The following EBAG9 variants were observed in gnomAD, a reference collection of about 807,000 sequenced individuals.
EBAG9 encodes estrogen receptor binding site associated antigen 9.
Under a neutral mutation model 30.9 loss-of-function variants are expected in EBAG9, and 16 were observed. That is an observed-to-expected ratio of 0.52 (90% CI 0.35 to 0.79). EBAG9 has a LOEUF of 0.79. Among genes scored for constraint, EBAG9 ranks in the 30% least tolerant of loss-of-function variants. The pLI, the probability that EBAG9 is intolerant of heterozygous loss-of-function variation, is 0.01. For synonymous variants in EBAG9, 93 were observed against 82.8 expected, an observed-to-expected ratio of 1.12 and a Z score of -0.67; for missense variants, 197 against 242.1, an observed-to-expected ratio of 0.81 and a Z score of 1.24.
rs140265591 is a variant in EBAG9 at position 109,564,930 on chromosome 8, A to C, written c.*371A>C. On this transcript the variant is annotated 3_prime_UTR_variant, in exon 7 of 7. Transcript: ENST00000337573. ...GTACTGTCTGTTATGATTTCCTTCA[A>C]TGTGCATAATGATAAAATAAATAAT... 6.5e-6 allele frequency: 1 copy of C among 154,420 alleles called. No individual in the cohort carries two copies. The highest frequency in any genetic ancestry group is 1.4e-5 in the Non-Finnish European group (1 of 69,460). The allele number at this position is 154,420 out of a possible 1,614,324, so 9.6% of individuals were successfully genotyped here.
chr8:109,562,685 T>A (rs1821734299), intron 6 of EBAG9, among the ~76,000 whole-genome samples: 1 of 151,760 alleles, frequency 6.6e-6, no homozygotes, highest in Non-Finnish European at 1.5e-5. Context: ...TCTTTTATAC[T>A]TTAGTTTTTG....
intron 6 of EBAG9, chr8:109,563,663 G>T: frequency 1.0e-6 from 1 of 985,228 alleles, no homozygotes; most frequent in Non-Finnish European, 1.4e-6. Flanking sequence ...TGTCAAGGGG[G>T]TTTGTCGTAC....
chr8:109,540,822 A>G (rs1420977561), intron 1 of EBAG9: 1 of 152,196 alleles, frequency 6.6e-6, no homozygotes, highest in East Asian at 1.9e-4. Flanking sequence ...GTACTAGATC[A>G]TATGGTTTTC....
At chr8:109,553,220 G>A (rs1387542611) in intron 2 of EBAG9, among the ~76,000 whole-genome samples, 1 of 151,966 alleles carries the variant, frequency 6.6e-6, no homozygotes, top group Non-Finnish European at 1.5e-5. Flanking sequence ...TGCAAAAGTG[G>A]GTTTGAATAC....
rs141562975 is a variant in EBAG9, at chr8:109,551,784, T to C, written c.83+877T>C. On this transcript the variant is annotated intron_variant, in intron 2 of 6. Coordinates refer to ENST00000337573, the MANE Select transcript of EBAG9 (RefSeq NM_004215.5). ...TGAAAACAAGAATGATGGTCTCCAG[T>C]CTTATTCTAAGGCATAAGAAGCTGT... 1.6e-4 allele frequency among the ~76,000 whole-genome samples: 24 copies of C among 152,294 alleles called. No individual in the cohort carries two copies. In the East Asian group the frequency reaches 4.0e-3, roughly 26 times the overall value.
chr8:109,564,211 A>C (rs1821769195), intron 6 of EBAG9, among the ~76,000 whole-genome samples: 1 of 152,100 alleles, frequency 6.6e-6, no homozygotes, highest in East Asian at 1.9e-4. Flanking sequence ...CATTTTACTT[A>C]TTTGTAAAAT....
At chr8:109,541,558 C>T (rs549793082) in intron 1 of EBAG9, among the ~76,000 whole-genome samples, 1 of 152,256 alleles carries the variant, frequency 6.6e-6, no homozygotes, top group East Asian at 1.9e-4. Flanking sequence ...TGTTAGTTTC[C>T]TTCCATTCAA....
At chr8:109,546,994 G>T (rs1470897170) in intron 1 of EBAG9, among the ~76,000 whole-genome samples, 2 of 151,972 alleles carry the variant, frequency 1.3e-5, no homozygotes, top group Admixed American at 1.3e-4. Flanking sequence ...AAATAAAGCT[G>T]CAATTCAAAT....
intron 1 of EBAG9, among the ~76,000 whole-genome samples, chr8:109,547,356 CATT>C (rs1202887425): frequency 6.6e-6 from 1 of 152,130 alleles, no homozygotes; most frequent in African/African-American, 2.4e-5. Flanking sequence ...TTGCTATGGT[CATT>C]ATGTTTAGTT....
chr8:109,557,767 C>G (rs1263305977), intron 5 of EBAG9: 1 of 445,686 alleles, frequency 2.2e-6, no homozygotes, highest in Non-Finnish European at 4.5e-6. Flanking sequence ...CATCTGAAGG[C>G]TTGATTGTGG....
At chr8:109,552,452 G>A (rs900030891) in intron 2 of EBAG9, among the ~76,000 whole-genome samples, 2 of 152,086 alleles carry the variant, frequency 1.3e-5, no homozygotes, top group African/African-American at 4.8e-5. Context: ...CAGAGAATGA[G>A]GAAGAGAATG....
chr8:109,547,273 A>G (rs1013376817), intron 1 of EBAG9, among the ~76,000 whole-genome samples: 1 of 152,210 alleles, frequency 6.6e-6, no homozygotes, highest in African/African-American at 2.4e-5. Context: ...ATTGTTTTTC[A>G]AAGTGGTTGT....
chr8:109,559,628 A>G (rs1341467147), intron 5 of EBAG9, among the ~76,000 whole-genome samples: 1 of 152,124 alleles, frequency 6.6e-6, no homozygotes, highest in African/African-American at 2.4e-5. Flanking sequence ...CCTGAGCAAC[A>G]TAGCTAGACC....
At chr8:109,562,316 C>G (rs1019478915) in intron 6 of EBAG9, among the ~76,000 whole-genome samples, 1 of 151,952 alleles carries the variant, frequency 6.6e-6, no homozygotes, top group Non-Finnish European at 1.5e-5. Context: ...AACCCCTAAG[C>G]AAAACAAATG....
At chr8:109,559,823 A>T (rs1044876081) in intron 5 of EBAG9, among the ~76,000 whole-genome samples, 1 of 152,110 alleles carries the variant, frequency 6.6e-6, no homozygotes, top group East Asian at 1.9e-4. Flanking sequence ...CCTAAAAAAA[A>T]AAAGGGAGAA....
chr8:109,543,573 T>C lies in EBAG9; in HGVS notation c.-16+3112T>C, dbSNP rs12541038. On this transcript the variant is annotated intron_variant, in intron 1 of 6. Transcript: ENST00000337573. ...CAAGTATGTGGTGTTACTACTCAGA[T>C]TGAGATATTAGATCTTAGCTCTCTA... is the stretch of plus-strand genomic sequence containing the variant. Among the ~76,000 whole-genome samples, 1,352 of 152,308 alleles carry C rather than the reference T, an allele frequency of 8.9e-3. 63 individuals are homozygous for C. Among genetic ancestry groups the C allele is most frequent in the Admixed American group, 0.078 (1,200 of 15,300 alleles).
At chr8:109,541,135 G>A (rs570206468) in intron 1 of EBAG9, among the ~76,000 whole-genome samples, 1 of 152,022 alleles carries the variant, frequency 6.6e-6, no homozygotes, top group African/African-American at 2.4e-5. Flanking sequence ...AGGATACATT[G>A]CCTCATAGTT....
chr8:109,543,851 C>T (rs1214848165), intron 1 of EBAG9, among the ~76,000 whole-genome samples: 2 of 151,780 alleles, frequency 1.3e-5, no homozygotes, highest in Admixed American at 6.6e-5. Flanking sequence ...GCCAACATGG[C>T]GAAACCCCGT....
chr8:109,545,090 A>AGGG (rs1170575084), intron 1 of EBAG9, among the ~76,000 whole-genome samples: 1 of 151,934 alleles, frequency 6.6e-6, no homozygotes, highest in Non-Finnish European at 1.5e-5. Flanking sequence ...TGGGAGGCTG[A>AGGG]GGGGGTGGAT....
Sources: gnomAD v4.1 joint callset for allele counts (sites outside exome capture counted in the v4.1 genomes callset) on GRCh38, gnomAD v4.1.1 for gene constraint, MANE v1.5 for transcripts, NCBI Gene and HGNC (gene_info 2026-07-23, HGNC 2026-07-21) for gene names.